The following TRPS1 variants were observed in gnomAD, a reference collection of about 807,000 sequenced individuals.
TRPS1 encodes the protein zinc finger transcription factor Trps1.
Under a neutral mutation model 101.2 loss-of-function variants are expected in TRPS1, and 6 were observed. The observed-to-expected ratio is 0.06, with a 90% CI of 0.03 to 0.12. TRPS1 has a LOEUF of 0.12. Ranked by LOEUF, TRPS1 falls within the 10% of genes least tolerant of loss-of-function variation. The probability of loss-of-function intolerance (pLI) is 1.00; values close to 1 mark genes in which losing one functional copy is unlikely to be tolerated. For synonymous variants in TRPS1, 578 were observed against 589.8 expected (o/e 0.98, Z 0.29); for missense variants, 1,363 against 1,567.0 (o/e 0.87, Z 2.20).
At chr8:115,651,870 T>C (rs866684194) in intron 1 of TRPS1, among the ~76,000 whole-genome samples, 8 of 152,164 alleles carry the variant, frequency 5.3e-5, no homozygotes, top group African/African-American at 1.7e-4. Flanking sequence ...AGACACATGA[T>C]GTAGTACATT....
chr8:115,548,000 CAGG>C (rs1816615081), intron 5 of TRPS1, among the ~76,000 whole-genome samples: 1 of 151,628 alleles, frequency 6.6e-6, no homozygotes, highest in Non-Finnish European at 1.5e-5. Context: ...AGAGCTGAAG[CAGG>C]AGAACTGCTT....
rs956133108 is a variant in TRPS1 at position 115,636,360 on chromosome 8, A to G, written c.-121-12602T>C. Among the ~76,000 whole-genome samples the G allele has an allele frequency of 5.9e-5, 9 of 152,126 alleles. 1 individual carries two copies. Among genetic ancestry groups the G allele is most frequent in the Admixed American group, 4.6e-4 (7 of 15,266 alleles). On this transcript the variant is annotated intron_variant, in intron 1 of 6. Coordinates refer to ENST00000395715, the MANE Select transcript of TRPS1 (RefSeq NM_014112.5). Reference sequence around the variant, plus strand: ...AAAATAAAGTACCAATGCAACCCCAAATGTCATACATACATTCTTCTTATG... The same window carrying G: ...AAAATAAAGTACCAATGCAACCCCAGATGTCATACATACATTCTTCTTATG...
In TRPS1 at chr8:115,515,222, G is replaced by C. The variant is rs1171502865; in HGVS notation, c.2700+71779C>G. ...TAATAAGATCTTCATGGAAGCAATGGAGATCTGGTTTTCTCAAAGACTAAA... is the reference window on the plus strand; with the variant it reads ...TAATAAGATCTTCATGGAAGCAATGCAGATCTGGTTTTCTCAAAGACTAAA... On this transcript the variant is annotated intron_variant, in intron 5 of 6. Coordinates refer to ENST00000395715, the MANE Select transcript of TRPS1 (RefSeq NM_014112.5). The C allele has an allele frequency of 1.0e-5, 7 of 696,756 alleles. No homozygotes were observed. The Admixed American group carries it at 1.4e-4, about 14-fold the overall frequency. The allele number at this position is 696,756 out of a possible 1,614,324, so 43.2% of individuals were successfully genotyped here.
In TRPS1 at chr8:115,418,532, G is replaced by A. The variant is rs191821073; in HGVS notation, c.2701-80C>T. ...TAGACCAAATCAACCCAGGAGTTTT[G>A]TCTTTAAACTAGCAACAATGACAGT... On this transcript the variant is annotated intron_variant, in intron 5 of 6. Transcript: ENST00000395715. This position sits in a 1 kb window ranked among gnomAD's most constrained non-coding sequence, Gnocchi z 4.3. The A allele has an allele frequency of 8.4e-5, 135 of 1,597,980 alleles. 1 individual carries two copies. The Admixed American group carries it at 2.2e-3, about 26-fold the overall frequency.
intron 1 of TRPS1, among the ~76,000 whole-genome samples, chr8:115,647,149 T>C (rs1586491895): frequency 6.6e-6 from 1 of 152,116 alleles, no homozygotes; most frequent in Admixed American, 6.5e-5. Context: ...CAAGGCAAAA[T>C]GAAGCAGTTG....
chr8:115,555,099 C>T (rs1816787239), intron 5 of TRPS1, among the ~76,000 whole-genome samples: 1 of 152,192 alleles, frequency 6.6e-6, no homozygotes, highest in Non-Finnish European at 1.5e-5. Context: ...CTAGAAGCTA[C>T]TAACTGTCAA....
At chr8:115,417,062 T>G (rs1197910021) in intron 6 of TRPS1, among the ~76,000 whole-genome samples, 1 of 152,174 alleles carries the variant, frequency 6.6e-6, no homozygotes, top group Non-Finnish European at 1.5e-5. Flanking sequence ...AGATGAATAT[T>G]AAAATAATTT....
Position 115,668,663 on chromosome 8 carries a change from A to AG in TRPS1, c.-241dup, listed in dbSNP as rs1415188176. The AG allele has an allele frequency of 6.6e-6, 1 of 152,008 alleles. No individual in the cohort carries two copies. The highest frequency in any genetic ancestry group is 1.5e-5 in the Non-Finnish European group (1 of 68,452). 9.4% of individuals were successfully genotyped at this position (152,008 alleles called of 1,614,324 possible). On this transcript the variant is annotated 5_prime_UTR_variant, in exon 1 of 7. Transcript: ENST00000395715. ...GATCTTGGATTATTGCGGGGGGGAG[A>AG]GAAAAAGGTCTTTCCTGCCTCCCCC...
At chr8:115,444,375 T>A (rs939198822) in intron 5 of TRPS1, among the ~76,000 whole-genome samples, 2 of 152,202 alleles carry the variant, frequency 1.3e-5, no homozygotes, top group Admixed American at 1.3e-4. Context: ...ATAGAACAGG[T>A]GCTCAATACA....
At chr8:115,487,292 C>T (rs577120633) in intron 5 of TRPS1, among the ~76,000 whole-genome samples, 9 of 152,202 alleles carry the variant, frequency 5.9e-5, no homozygotes, top group Non-Finnish European at 8.8e-5. Context: ...GATCACTGCT[C>T]ATTGACAATG....
chr8:115,469,052 G>T (rs1586304528), intron 5 of TRPS1, among the ~76,000 whole-genome samples: 1 of 152,130 alleles, frequency 6.6e-6, no homozygotes, highest in South Asian at 2.1e-4. Flanking sequence ...TCAACCAGAG[G>T]ATTGCTTGAG....
Position 115,481,622 on chromosome 8 carries a change from G to A in TRPS1, c.2701-63170C>T, listed in dbSNP as rs1814753718. Among the ~76,000 whole-genome samples, 4 of 152,256 alleles carry A rather than the reference G, an allele frequency of 2.6e-5. No individual in the cohort carries two copies. The South Asian group carries it at 8.3e-4, about 32-fold the overall frequency. On this transcript the variant is annotated intron_variant, in intron 5 of 6. Transcript: ENST00000395715. ...TGAAATCTGAGCAACTACTTTCAGTGTTTGAAGAAGCTCCTGTCTGCTCAT... is the reference window on the plus strand; with the variant it reads ...TGAAATCTGAGCAACTACTTTCAGTATTTGAAGAAGCTCCTGTCTGCTCAT...
rs1411625467 is a variant in TRPS1, at chr8:115,418,565, C to T, written c.2701-113G>A. ...ACTAGCAACAATGACAGTATAAAAC[C>T]ACACTGCCCATAATGAGGTCAGGTT... is the stretch of plus-strand genomic sequence containing the variant. On this transcript the variant is annotated intron_variant, in intron 5 of 6. Coordinates refer to ENST00000395715, the MANE Select transcript of TRPS1 (RefSeq NM_014112.5). This position sits in a 1 kb window ranked among gnomAD's most constrained non-coding sequence, Gnocchi z 4.3. 7.0e-7 allele frequency: 1 copy of T among 1,421,098 alleles called. No homozygotes were observed. Among genetic ancestry groups the T allele is most frequent in the Non-Finnish European group, 9.9e-7 (1 of 1,011,736 alleles). 88.0% of individuals were successfully genotyped at this position (1,421,098 alleles called of 1,614,324 possible).
intron 5 of TRPS1, among the ~76,000 whole-genome samples, chr8:115,566,185 G>C (rs1817063488): frequency 6.6e-6 from 1 of 152,254 alleles, no homozygotes; most frequent in East Asian, 1.9e-4. Context: ...GTCTTAGCAG[G>C]TGGTCAGAAT....
chr8:115,525,518 A>G (rs1815975542), intron 5 of TRPS1, among the ~76,000 whole-genome samples: 1 of 152,062 alleles, frequency 6.6e-6, no homozygotes, highest in Non-Finnish European at 1.5e-5. Flanking sequence ...AGCAACAGGA[A>G]TATATTTAAT....
At position 115,603,969 on chromosome 8, in the gene TRPS1, G is replaced by A. The variant is rs7002384; in HGVS notation, c.2000C>T (p.Ser667Leu). ...TTCCTTGACAGACTGCTGCCCATCC[G>A]ATCCTTGCAGGTGATTTGCTTCTTG... is the stretch of plus-strand genomic sequence containing the variant. The part of the protein sequence containing the change: ...VKQEANHLQG[S>L]DGQQSVKESK... The change falls in exon 4 of 7, where the codon TCG becomes TTG. Residue 667 changes from serine (S) to leucine (L), a missense_variant. Physicochemically the swap from Ser to Leu is moderately radical, Grantham distance 145. Transcript: ENST00000395715. The A allele has an allele frequency of 3.8e-5, 62 of 1,613,840 alleles. No homozygotes were observed. The highest frequency in any genetic ancestry group is 2.9e-4 in the African/African-American group (22 of 74,948).
chr8:115,461,302 C>T (rs71508450), intron 5 of TRPS1, among the ~76,000 whole-genome samples: 6,211 of 114,708 alleles, frequency 0.054, 244 homozygotes, highest in African/African-American at 0.12. Context: ...GATAGATAGA[C>T]AGATACATAC....
intron 5 of TRPS1, among the ~76,000 whole-genome samples, chr8:115,530,611 ATATGT>A (rs1802169131): frequency 6.6e-6 from 1 of 152,194 alleles, no homozygotes; most frequent in South Asian, 2.1e-4. Flanking sequence ...GCAGTAAAAA[ATATGT>A]TAAGTGATTT....
At chr8:115,572,922 C>G (rs1199950165) in intron 5 of TRPS1, among the ~76,000 whole-genome samples, 1 of 152,070 alleles carries the variant, frequency 6.6e-6, no homozygotes, top group Non-Finnish European at 1.5e-5. Context: ...CACCTGAGGT[C>G]AGGAGTTCGA....
Sources: gnomAD v4.1 joint callset for allele counts (sites outside exome capture counted in the v4.1 genomes callset) on GRCh38, gnomAD v4.1.1 for gene constraint, Gnocchi (gnomAD v3.1) non-coding constraint, MANE v1.5 for transcripts, NCBI Gene and HGNC (gene_info 2026-07-23, HGNC 2026-07-21) for gene names.